SMIM14: variants seen among roughly 807,000 people sequenced by gnomAD.
The protein encoded by SMIM14 is small integral membrane protein 14.
SMIM14 carries 5 observed loss-of-function variants against 12.6 expected under a neutral mutation model. The observed-to-expected ratio is 0.40, with a 90% confidence interval of 0.21 to 0.83. The LOEUF is 0.83. Among genes scored for constraint, SMIM14 ranks in the 40% least tolerant of loss-of-function variants. The pLI is 0.37. For synonymous variants in SMIM14, 30 were observed against 40.1 expected, an observed-to-expected ratio of 0.75 and a Z score of 0.95; for missense variants, 86 against 119.1, an observed-to-expected ratio of 0.72 and a Z score of 1.29.
chr4:39,622,423 C>T lies in SMIM14; in HGVS notation c.-36+16316G>A, dbSNP rs543212147. Among the ~76,000 whole-genome samples the T allele has an allele frequency of 2.6e-5, 4 of 151,968 alleles. No homozygotes were observed. The East Asian group carries it at 5.8e-4, about 22-fold the overall frequency. The stretch of plus-strand genomic sequence containing the variant: ...TTTTATTTTTATTTATTTTTTGAGA[C>T]GGAGTCTCGCTTTTTTGCCCAGGCT... On this transcript the variant is annotated intron_variant, in intron 1 of 4. Transcript: ENST00000295958.
intron 3 of SMIM14, among the ~76,000 whole-genome samples, chr4:39,569,058 A>G (rs1712727527): frequency 6.6e-6 from 1 of 152,206 alleles, no homozygotes; most frequent in African/African-American, 2.4e-5. Flanking sequence ...GGGGAGGTTC[A>G]ATAAAATTAT....
intron 2 of SMIM14, among the ~76,000 whole-genome samples, chr4:39,597,166 T>C (rs2110047943): frequency 6.6e-6 from 1 of 151,220 alleles, no homozygotes; most frequent in Admixed American, 6.6e-5. Context: ...CCCTAGAGTA[T>C]TCTGGACATC....
intron 1 of SMIM14, among the ~76,000 whole-genome samples, chr4:39,615,981 A>C (rs1715207797): frequency 6.6e-6 from 1 of 152,266 alleles, no homozygotes; most frequent in East Asian, 1.9e-4. Context: ...ACATTCAAGC[A>C]ATGAAACATA....
At chr4:39,587,481 G>GT (rs887263563) in intron 2 of SMIM14, among the ~76,000 whole-genome samples, 1 of 119,538 alleles carries the variant, frequency 8.4e-6, no homozygotes, top group Non-Finnish European at 1.6e-5. Flanking sequence ...GGGAGACAGA[G>GT]TGAGGCTCCA....
At chr4:39,602,155 A>G (rs182035548) in intron 2 of SMIM14, among the ~76,000 whole-genome samples, 2 of 151,038 alleles carry the variant, frequency 1.3e-5, no homozygotes, top group East Asian at 3.9e-4. Flanking sequence ...AGACTGAGGC[A>G]GGAGGATTGC....
At chr4:39,582,902 C>T (rs962301358) in intron 2 of SMIM14, among the ~76,000 whole-genome samples, 3 of 152,008 alleles carry the variant, frequency 2.0e-5, no homozygotes, top group Admixed American at 6.6e-5. Flanking sequence ...CCAAAATTCT[C>T]GTGCCTCAGC....
chr4:39,561,799 G>A (rs150905383), intron 3 of SMIM14, among the ~76,000 whole-genome samples: 43 of 152,114 alleles, frequency 2.8e-4, no homozygotes, highest in African/African-American at 1.0e-3. Flanking sequence ...GCCAAGCATG[G>A]TGGTGCACAC....
intron 3 of SMIM14, among the ~76,000 whole-genome samples, chr4:39,566,947 C>G (rs1390883100): frequency 2.0e-5 from 3 of 151,038 alleles, no homozygotes; most frequent in Non-Finnish European, 4.4e-5. Flanking sequence ...AGCCTGGTGA[C>G]AGTGTGAGAC....
intron 1 of SMIM14, among the ~76,000 whole-genome samples, chr4:39,626,233 A>G (rs1715694474): frequency 6.6e-6 from 1 of 152,056 alleles, no homozygotes; most frequent in Non-Finnish European, 1.5e-5. Flanking sequence ...CAGCCCACTG[A>G]AAAAACTGTC....
Position 39,635,795 on chromosome 4 carries a change from C to T in SMIM14, c.-36+2944G>A, listed in dbSNP as rs117681014. ...TCCTCTGAAGTTGAGATGAAGAGGA[C>T]GTTTCCTTCCATAGCAGGCTCTTTT... On this transcript the variant is annotated intron_variant, in intron 1 of 4. Transcript: ENST00000295958. Among the ~76,000 whole-genome samples the T allele has an allele frequency of 4.1e-4, 63 of 152,200 alleles. No homozygotes were observed. In the East Asian group the frequency reaches 0.01, roughly 25 times the overall value.
chr4:39,609,878 T>C (rs988583006), intron 1 of SMIM14, among the ~76,000 whole-genome samples: 1 of 152,244 alleles, frequency 6.6e-6, no homozygotes, highest in African/African-American at 2.4e-5. Context: ...GAGAATGATA[T>C]TTTAATGACA....
intron 1 of SMIM14, among the ~76,000 whole-genome samples, chr4:39,632,587 A>C (rs944081580): frequency 1.2e-4 from 18 of 151,850 alleles, no homozygotes; most frequent in Admixed American, 1.1e-3. Context: ...TGAGCTCAGG[A>C]GTTCGAGACC....
intron 2 of SMIM14, chr4:39,589,488 T>A (rs1485107745): frequency 2.0e-5 from 3 of 152,146 alleles, no homozygotes; most frequent in Non-Finnish European, 4.4e-5. Flanking sequence ...ATGAAGAGGA[T>A]TACCTGCATT....
chr4:39,604,022 A>AAG (rs1553865395), intron 2 of SMIM14, among the ~76,000 whole-genome samples: 61 of 151,000 alleles, frequency 4.0e-4, no homozygotes, highest in African/African-American at 8.0e-4. Flanking sequence ...AAAAAAAAAA[A>AAG]AAAAGAAATG....
chr4:39,554,890 C>T (rs1159552840), intron 4 of SMIM14, among the ~76,000 whole-genome samples: 1 of 140,612 alleles, frequency 7.1e-6, no homozygotes, highest in Non-Finnish European at 1.5e-5. Context: ...GCCTGGAGTG[C>T]AATGGCACGA....
intron 4 of SMIM14, among the ~76,000 whole-genome samples, chr4:39,555,166 C>T (rs1197264331): frequency 6.7e-6 from 1 of 149,970 alleles, no homozygotes; most frequent in Non-Finnish European, 1.5e-5. Context: ...AGATAATATT[C>T]AAATTCAGTG....
At chr4:39,617,505 T>C (rs190280850) in intron 1 of SMIM14, among the ~76,000 whole-genome samples, 91 of 152,324 alleles carry the variant, frequency 6.0e-4, no homozygotes, top group Admixed American at 3.6e-3. Flanking sequence ...ATATGCTAAA[T>C]TGTTTAAACC....
chr4:39,637,726 G>C (rs759074841), intron 1 of SMIM14, among the ~76,000 whole-genome samples: 35 of 152,202 alleles, frequency 2.3e-4, no homozygotes, highest in Non-Finnish European at 4.6e-4. Context: ...ACCCTAAGTG[G>C]AAGGGAATGC....
At chr4:39,572,888 G>A (rs540735829) in intron 2 of SMIM14, among the ~76,000 whole-genome samples, 1 of 152,000 alleles carries the variant, frequency 6.6e-6, no homozygotes, top group South Asian at 2.1e-4. Flanking sequence ...CTAGGCTGGA[G>A]TGCAGGGGTG....
Sources: allele counts gnomAD v4.1 joint callset (sites outside exome capture counted in the v4.1 genomes callset), GRCh38; gene constraint gnomAD v4.1.1; transcripts MANE v1.5; gene names NCBI Gene and HGNC (gene_info 2026-07-23, HGNC 2026-07-21).